The following WBP4 variants were observed in gnomAD, a reference collection of about 807,000 sequenced individuals.
The protein encoded by WBP4 is WW domain binding protein 4.
In WBP4, 37 loss-of-function variants were observed where a neutral mutation model predicts 55.4. That is an observed-to-expected ratio of 0.67 (90% CI 0.51 to 0.88). WBP4 has a LOEUF of 0.88. Among genes scored for constraint, WBP4 ranks in the 40% least tolerant of loss-of-function variants. WBP4 has a pLI of 0.00. For missense variants in WBP4, 398 were observed against 420.8 expected (o/e 0.95, Z 0.47); for synonymous variants, 142 against 140.2 (o/e 1.01, Z -0.09).
At chr13:41,062,857 C>T in intron 2 of WBP4, 141 bp downstream of exon 2, 1 of 611,102 alleles carries the variant, frequency 1.6e-6, no homozygotes, top group Non-Finnish European at 2.7e-6. Flanking sequence ...TCTGTCTTCT[C>T]AGTCCCCTAT....
intron 1 of WBP4, chr13:41,062,009 C>T: frequency 1.0e-6 from 1 of 975,064 alleles, no homozygotes; most frequent in Non-Finnish European, 1.2e-6. Flanking sequence ...GTTTCCGAAG[C>T]CCCTGAACCC....
intron 7 of WBP4, among the ~76,000 whole-genome samples, chr13:41,074,355 A>T (rs1878385306): frequency 6.6e-6 from 1 of 152,182 alleles, no homozygotes; most frequent in South Asian, 2.1e-4. Flanking sequence ...TCCTGTTATC[A>T]TTAGCTCATT....
chr13:41,064,882 A>T, intron 2 of WBP4, 134 bp from the exon 3 acceptor site: 1 of 839,298 alleles, frequency 1.2e-6, no homozygotes, highest in Non-Finnish European at 1.8e-6. Flanking sequence ...AATTTGCATT[A>T]AATTAATGTT....
rs1206120095 is a variant in WBP4, at chr13:41,082,972, A to C, written c.*58A>C. The C allele has an allele frequency of 6.7e-7, 1 of 1,487,832 alleles. No individual in the cohort carries two copies. Among genetic ancestry groups the C allele is most frequent in the Admixed American group, 1.9e-5 (1 of 53,194 alleles). The allele number at this position is 1,487,832 out of a possible 1,614,324, so 92.2% of individuals were successfully genotyped here. A position where few individuals can be genotyped will look rare whatever the true frequency, so the allele number is the denominator to read the frequency against. ...ACAGAATGGAGACTTATACACCCAA[A>C]GTTTATCTGTGTTTGTTTGTAAGTA... On this transcript the variant is annotated 3_prime_UTR_variant, in exon 10 of 10. Coordinates refer to ENST00000379487, the MANE Select transcript of WBP4 (RefSeq NM_007187.5).
intron 6 of WBP4, 115 bp from the exon 7 acceptor site, chr13:41,072,667 C>T (rs916577623): frequency 6.2e-6 from 5 of 800,996 alleles, no homozygotes; most frequent in African/African-American, 1.8e-5. Context: ...GGATGCAGAT[C>T]GAGATGATAT....
intron 6 of WBP4, 46 bp downstream of exon 6, chr13:41,071,619 G>T: frequency 1.3e-6 from 2 of 1,527,500 alleles, no homozygotes; most frequent in South Asian, 1.2e-5. Context: ...TCTTTACAGT[G>T]ATTCGTTTCT....
Position 41,065,289 on chromosome 13 carries a change from T to TGAAAA in WBP4, c.262+2_262+3insGAAAA. 7.9e-7 allele frequency: 1 copy of TGAAAA among 1,262,576 alleles called. No individual in the cohort carries two copies. Among genetic ancestry groups the TGAAAA allele is most frequent in the Non-Finnish European group, 1.0e-6 (1 of 1,004,284 alleles). 78.2% of individuals were successfully genotyped at this position (1,262,576 alleles called of 1,614,324 possible). ...TGAAAAGACTTGGCTTAGAGTCAGG[T>TGAAAA]AAAAAAAAAAAAAAAAAAAAAGCAG... On this transcript the variant is annotated splice_region_variant and intron_variant, in intron 4 of 9. Transcript: ENST00000379487.
At chr13:41,062,018 C>A in intron 1 of WBP4, 2 of 979,064 alleles carry the variant, frequency 2.0e-6, no homozygotes. Flanking sequence ...GCCCCTGAAC[C>A]CTAGGGTATT....
intron 5 of WBP4, among the ~76,000 whole-genome samples, 189 bp from the exon 6 acceptor site, chr13:41,071,338 G>T (rs1244914956): frequency 6.6e-6 from 1 of 152,154 alleles, no homozygotes; most frequent in East Asian, 1.9e-4. Flanking sequence ...TTTCTTCTTG[G>T]TTACGTAGCA....
rs1205208356 is a variant in WBP4, at chr13:41,061,625, G to C, written c.-49G>C. On this transcript the variant is annotated 5_prime_UTR_variant, in exon 1 of 10. Coordinates refer to ENST00000379487, the MANE Select transcript of WBP4 (RefSeq NM_007187.5). ...GCTCGACTCGTCCCGCTGGGAAAGC[G>C]CGAGTCTGAGTGGAACCCTGGACGA... The C allele has an allele frequency of 3.7e-6, 6 of 1,613,908 alleles. No homozygotes were observed. In the African/African-American group the frequency reaches 4.0e-5, roughly 11 times the overall value.
At chr13:41,080,540 AATT>A (rs543892198) in intron 8 of WBP4, 103 bp from the exon 9 acceptor site, 883 of 830,608 alleles carry the variant, frequency 1.1e-3, no homozygotes, top group Non-Finnish European at 1.5e-3. Context: ...TGAGTTAGTG[AATT>A]ATTGTTTATA....
chr13:41,077,919 G>A (rs191312290), intron 8 of WBP4, among the ~76,000 whole-genome samples: 17 of 150,670 alleles, frequency 1.1e-4, no homozygotes, highest in African/African-American at 3.7e-4. Flanking sequence ...AAAAAATCTC[G>A]GAATACATTT....
intron 9 of WBP4, among the ~76,000 whole-genome samples, chr13:41,082,201 C>T (rs1878813811): frequency 6.6e-6 from 1 of 152,162 alleles, no homozygotes; most frequent in Admixed American, 6.5e-5. Flanking sequence ...CAACCTCTGC[C>T]TCCCAGGCTG....
Position 41,082,811 on chromosome 13 carries a change from C to T in WBP4, c.1028C>T (p.Thr343Ile), listed in dbSNP as rs765150853. 2 of 1,614,096 alleles carry T rather than the reference C, an allele frequency of 1.2e-6. No homozygotes were observed. Among genetic ancestry groups the T allele is most frequent in the Admixed American group, 3.3e-5 (2 of 60,008 alleles). The change falls in exon 10 of 10, where the codon ACT becomes ATT. Residue 343 changes from threonine to isoleucine, a missense_variant. By Grantham distance (89) the Thr-to-Ile change is moderately conservative. Coordinates refer to ENST00000379487, the MANE Select transcript of WBP4 (RefSeq NM_007187.5). ...PKVVFKEKTVTSLGVMADGVA... is the reference protein window; with the variant it reads ...PKVVFKEKTVISLGVMADGVA... ...GTGGTATTTAAAGAAAAAACAGTCA[C>T]TTCTCTTGGAGTTATGGCAGATGGA...
At position 41,065,289 on chromosome 13, in the gene WBP4, T is replaced by TAAAAAAAAAAA. The variant is rs58699334; in HGVS notation, c.262+13_262+23dup. The TAAAAAAAAAAA allele has an allele frequency of 6.3e-6, 8 of 1,263,998 alleles. 1 individual carries two copies. In the African/African-American group the frequency reaches 6.4e-5, roughly 10 times the overall value. The allele number at this position is 1,263,998 out of a possible 1,614,324, so 78.3% of individuals were successfully genotyped here. On this transcript the variant is annotated splice_region_variant and intron_variant, in intron 4 of 9. Coordinates refer to ENST00000379487, the MANE Select transcript of WBP4 (RefSeq NM_007187.5). ...TGAAAAGACTTGGCTTAGAGTCAGG[T>TAAAAAAAAAAA]AAAAAAAAAAAAAAAAAAAAAGCAG... is the stretch of plus-strand genomic sequence containing the variant.
At chr13:41,079,562 A>T (rs1178567982) in intron 8 of WBP4, among the ~76,000 whole-genome samples, 1 of 141,514 alleles carries the variant, frequency 7.1e-6, no homozygotes, top group African/African-American at 2.6e-5. Flanking sequence ...AAAAAAAAAA[A>T]TCAGAAAACA....
chr13:41,068,389 C>T (rs1168929202), intron 4 of WBP4, among the ~76,000 whole-genome samples, 172 bp from the exon 5 acceptor site: 1 of 152,038 alleles, frequency 6.6e-6, no homozygotes, highest in Non-Finnish European at 1.5e-5. Flanking sequence ...CTTTTTATTA[C>T]AGTTTTCCTT....
chr13:41,062,316 A>AC, intron 1 of WBP4: 1 of 967,078 alleles, frequency 1.0e-6, no homozygotes. Context: ...CATTACAGCA[A>AC]CCTCCCCCAA....
intron 1 of WBP4, among the ~76,000 whole-genome samples, 168 bp downstream of exon 1, chr13:41,061,843 G>A (rs947745018): frequency 1.3e-5 from 2 of 152,190 alleles, no homozygotes; most frequent in African/African-American, 4.8e-5. Flanking sequence ...TTCTCAGGGC[G>A]GGGTAGAAAT....
Sources: allele counts gnomAD v4.1 joint callset (sites outside exome capture counted in the v4.1 genomes callset), GRCh38; gene constraint gnomAD v4.1.1; transcripts MANE v1.5; gene names NCBI Gene and HGNC (gene_info 2026-07-23, HGNC 2026-07-21).